RBFOX1: variants seen among roughly 807,000 people sequenced by gnomAD.
RBFOX1 encodes RNA binding fox-1 homolog 1.
RBFOX1 carries 8 observed loss-of-function variants against 57.7 expected under a neutral mutation model. The observed-to-expected ratio is 0.14, with a 90% CI of 0.08 to 0.25. The LOEUF is 0.25. Ranked by LOEUF, RBFOX1 falls within the 10% of genes least tolerant of loss-of-function variation. RBFOX1 has a pLI of 1.00. For missense variants in RBFOX1, 611 were observed against 548.5 expected (o/e 1.11, Z -1.14); for synonymous variants, 326 against 222.4 (o/e 1.47, Z -4.15).
intron 4 of RBFOX1, among the ~76,000 whole-genome samples, chr16:7,455,254 A>G (rs1003830765): frequency 6.6e-6 from 1 of 152,134 alleles, no homozygotes; most frequent in East Asian, 1.9e-4. Flanking sequence ...CCTTTGTAAT[A>G]CCTGAATATG....
At chr16:6,031,317 G>C (rs1301476892) in intron 1 of RBFOX1, among the ~76,000 whole-genome samples, 3 of 152,178 alleles carry the variant, frequency 2.0e-5, no homozygotes, top group African/African-American at 7.2e-5. Flanking sequence ...CAGCGTGCCT[G>C]GGGTGGTGAG....
At chr16:7,286,090 ATATT>A (rs2095645738) in intron 4 of RBFOX1, among the ~76,000 whole-genome samples, 1 of 152,222 alleles carries the variant, frequency 6.6e-6, no homozygotes. Flanking sequence ...CACTCTATAA[ATATT>A]TATAGATGAT....
chr16:7,291,607 C>T (rs1054371092), intron 4 of RBFOX1, among the ~76,000 whole-genome samples: 2 of 151,884 alleles, frequency 1.3e-5, no homozygotes, highest in African/African-American at 4.8e-5. Context: ...ACAGGTAAGT[C>T]AATAGAGGAA....
chr16:5,336,005 A>G (rs1181876788), intron 1 of RBFOX1, among the ~76,000 whole-genome samples: 1 of 152,162 alleles, frequency 6.6e-6, no homozygotes, highest in Non-Finnish European at 1.5e-5. Flanking sequence ...CCAATTTGGT[A>G]GGTGAGAAAA....
chr16:6,939,396 T>G (rs1401386769), intron 3 of RBFOX1, among the ~76,000 whole-genome samples: 1 of 151,978 alleles, frequency 6.6e-6, no homozygotes, highest in Admixed American at 6.6e-5. Flanking sequence ...TGTGTGTGTG[T>G]GTGTGTATAT....
At position 6,773,922 on chromosome 16, in the gene RBFOX1, G is replaced by C. The variant is rs145208848; in HGVS notation, c.-16+119272G>C. The C allele has an allele frequency of 2.7e-4, 262 of 984,522 alleles. 1 individual carries two copies. The African/African-American group carries it at 4.3e-3, about 16-fold the overall frequency. The allele number at this position is 984,522 out of a possible 1,614,324, so 61.0% of individuals were successfully genotyped here. A position where few individuals can be genotyped will look rare whatever the true frequency, so the allele number is the denominator to read the frequency against. ...CATGGAGTGCATTTGCGTTGCGGGG[G>C]TGTGGAGTGTGTTTGTGTGTGTGCA... On this transcript the variant is annotated intron_variant, in intron 3 of 15. Transcript: ENST00000550418.
chr16:6,279,790 G>T (rs1238438954), intron 1 of RBFOX1, among the ~76,000 whole-genome samples: 3 of 152,138 alleles, frequency 2.0e-5, no homozygotes, highest in Non-Finnish European at 4.4e-5. Flanking sequence ...AAACCTGGCT[G>T]AAAGATTATA....
chr16:5,746,886 C>T (rs755216291), intron 3 of RBFOX1, among the ~76,000 whole-genome samples: 1 of 152,320 alleles, frequency 6.6e-6, no homozygotes, highest in Middle Eastern at 3.4e-3. Flanking sequence ...CCTGTGCAAA[C>T]AGGGACAATT....
intron 3 of RBFOX1, among the ~76,000 whole-genome samples, chr16:6,752,304 C>T (rs1003944239): frequency 1.3e-5 from 2 of 152,124 alleles, no homozygotes; most frequent in Admixed American, 1.3e-4. Context: ...GTACTCCAGA[C>T]CTCCAATAAC....
intron 4 of RBFOX1, among the ~76,000 whole-genome samples, chr16:7,227,296 A>AC (rs1354905355): frequency 8.5e-5 from 10 of 117,788 alleles, no homozygotes; most frequent in Non-Finnish European, 1.9e-4. Flanking sequence ...CCCCACCCCC[A>AC]CACACACACA....
At chr16:5,332,964 T>G (rs1369342556) in intron 1 of RBFOX1, among the ~76,000 whole-genome samples, 1 of 152,096 alleles carries the variant, frequency 6.6e-6, no homozygotes, top group Non-Finnish European at 1.5e-5. Context: ...GGTGGGCGGA[T>G]CACCTGAGGT....
rs141931163 is a variant in RBFOX1, at chr16:5,299,848, G to T, written c.219+59743G>T. Among the ~76,000 whole-genome samples the T allele has an allele frequency of 6.6e-5, 10 of 152,144 alleles. No individual in the cohort carries two copies. In the East Asian group the frequency reaches 1.9e-3, roughly 29 times the overall value. ...AATTGTGGATACAAGTGGGGATAAT[G>T]GGTATCCTTGTCTTATTCCTGATCT... is the stretch of plus-strand genomic sequence containing the variant. On this transcript the variant is annotated intron_variant, in intron 1 of 2. Transcript: ENST00000585867.
chr16:5,922,749 A>T (rs1259812311), intron 4 of RBFOX1, among the ~76,000 whole-genome samples: 1 of 152,252 alleles, frequency 6.6e-6, no homozygotes, highest in East Asian at 1.9e-4. Context: ...TTCAGATGGA[A>T]ATAAATGAGT....
intron 3 of RBFOX1, among the ~76,000 whole-genome samples, chr16:6,902,346 G>C (rs1482579455): frequency 6.6e-6 from 1 of 152,186 alleles, no homozygotes; most frequent in East Asian, 1.9e-4. Flanking sequence ...AACTCTGTTA[G>C]TAATTTCAAG....
chr16:6,826,301 C>A (rs181411289), intron 3 of RBFOX1, among the ~76,000 whole-genome samples: 7 of 152,070 alleles, frequency 4.6e-5, no homozygotes, highest in Admixed American at 3.3e-4. Context: ...TCGTTTGAGT[C>A]CAGGAGTTCA....
chr16:7,377,697 A>G (rs1315616318), intron 4 of RBFOX1, among the ~76,000 whole-genome samples: 2 of 152,214 alleles, frequency 1.3e-5, no homozygotes, highest in African/African-American at 4.8e-5. Context: ...TTTGTAGAGA[A>G]CCTATCTGGG....
intron 4 of RBFOX1, among the ~76,000 whole-genome samples, chr16:7,162,611 C>T (rs1004285685): frequency 2.0e-5 from 3 of 150,934 alleles, no homozygotes; most frequent in African/African-American, 7.3e-5. Flanking sequence ...CGCCTGTAAT[C>T]CCAGCTACTG....
In RBFOX1 at chr16:5,559,700, A is replaced by C. The variant is rs528159284; in HGVS notation, c.259-39202A>C. Among the ~76,000 whole-genome samples, 5 of 152,316 alleles carry C rather than the reference A, an allele frequency of 3.3e-5. No homozygotes were observed. In the South Asian group the frequency reaches 1.0e-3, roughly 32 times the overall value. ...CCCTTGGAATGTAAATAAACTTCCC[A>C]AATCTCTTTCTTCCTAGGTCATTCT... On this transcript the variant is annotated intron_variant, in intron 2 of 2. Transcript: ENST00000585867.
intron 1 of RBFOX1, among the ~76,000 whole-genome samples, chr16:6,152,769 C>T (rs923362377): frequency 2.6e-5 from 4 of 152,162 alleles, no homozygotes; most frequent in Non-Finnish European, 5.9e-5. Flanking sequence ...CAGCAGAAAA[C>T]AGACCCCAGA....
Sources: allele counts gnomAD v4.1 joint callset (sites outside exome capture counted in the v4.1 genomes callset), GRCh38; gene constraint gnomAD v4.1.1; transcripts MANE v1.5; gene names NCBI Gene and HGNC (gene_info 2026-07-23, HGNC 2026-07-21).